SNX30: variants seen among roughly 807,000 people sequenced by gnomAD.
SNX30 encodes sorting nexin-30.
Under a neutral mutation model 46.4 loss-of-function variants are expected in SNX30, and 24 were observed. The ratio of observed to expected loss-of-function variants is 0.52; its 90% CI spans 0.37 to 0.73. The LOEUF (loss-of-function observed/expected upper bound fraction) is 0.73, where lower values mean the gene tolerates loss of function less well. SNX30 is among the 30% of genes least tolerant of loss of function. The probability of loss-of-function intolerance (pLI) is 0.00; values close to 1 mark genes in which losing one functional copy is unlikely to be tolerated. For missense variants in SNX30, 533 were observed against 555.7 expected (o/e 0.96, Z 0.41); for synonymous variants, 189 against 211.5 (o/e 0.89, Z 0.92).
chr9:112,797,705 C>CTT (rs1840129537), intron 1 of SNX30, among the ~76,000 whole-genome samples: 1 of 70,698 alleles, frequency 1.4e-5, no homozygotes, highest in African/African-American at 4.8e-5. Context: ...TTTTCTTTTT[C>CTT]TTTTTCTTTT....
At chr9:112,883,396 C>T (rs550088998), downstream of SNX30, among the ~76,000 whole-genome samples, 9 of 152,206 alleles carry the variant, frequency 5.9e-5, no homozygotes, top group South Asian at 1.0e-3. Flanking sequence ...CCTTCAAATC[C>T]TGTCTCTGCC....
At chr9:112,794,151 AT>A (rs1291338919) in intron 1 of SNX30, among the ~76,000 whole-genome samples, 27 of 151,002 alleles carry the variant, frequency 1.8e-4, no homozygotes, top group Admixed American at 1.6e-3. Flanking sequence ...ACATTCATTC[AT>A]TTTTTTTCTT....
intron 1 of SNX30, among the ~76,000 whole-genome samples, chr9:112,788,858 C>T (rs949073949): frequency 6.6e-5 from 10 of 152,182 alleles, no homozygotes; most frequent in African/African-American, 1.4e-4. Context: ...TGCAGTGGCA[C>T]GATCTCGGCT....
chr9:112,821,401 TTA>T (rs1312248414), intron 3 of SNX30, among the ~76,000 whole-genome samples: 2 of 151,848 alleles, frequency 1.3e-5, no homozygotes, highest in African/African-American at 4.8e-5. Context: ...TTTTCAAATT[TTA>T]TATATATGTG....
chr9:112,807,463 C>G (rs1288081399), intron 2 of SNX30, among the ~76,000 whole-genome samples: 1 of 152,148 alleles, frequency 6.6e-6, no homozygotes, highest in African/African-American at 2.4e-5. Flanking sequence ...CCACTGGGCA[C>G]CTAGCCCAGA....
At chr9:112,824,548 A>G (rs1160455705) in intron 3 of SNX30, among the ~76,000 whole-genome samples, 1 of 148,920 alleles carries the variant, frequency 6.7e-6, no homozygotes, top group African/African-American at 2.5e-5. Context: ...TTTTTTAAGT[A>G]CCTTAAACAA....
At chr9:112,788,941 A>C (rs996523552) in intron 1 of SNX30, among the ~76,000 whole-genome samples, 3 of 152,116 alleles carry the variant, frequency 2.0e-5, no homozygotes, top group Admixed American at 2.0e-4. Flanking sequence ...GACCACAGGC[A>C]TGCGCCACCA....
intron 6 of SNX30, among the ~76,000 whole-genome samples, chr9:112,845,735 G>A (rs368917051): frequency 6.6e-6 from 1 of 152,304 alleles, no homozygotes; most frequent in South Asian, 2.1e-4. Flanking sequence ...GAGAACCAGG[G>A]TGGTCCCTCA....
intron 3 of SNX30, among the ~76,000 whole-genome samples, chr9:112,822,392 A>G (rs1840514491): frequency 6.6e-6 from 1 of 152,164 alleles, no homozygotes. Context: ...TTTTTGAGAT[A>G]TAATGGATAT....
At chr9:112,842,548 C>T (rs59721032) in intron 6 of SNX30, among the ~76,000 whole-genome samples, 9,296 of 152,278 alleles carry the variant, frequency 0.061, 652 homozygotes, top group African/African-American at 0.16. Flanking sequence ...TCATCTTTCT[C>T]ATTTGCTCAT....
chr9:112,838,665 A>G lies in SNX30; in HGVS notation c.982A>G (p.Arg328Gly). The change falls in exon 6 of 9, where the codon AGG becomes GGG. Residue 328 changes from arginine to glycine, a missense_variant. Physicochemically the swap from Arg to Gly is moderately radical, Grantham distance 125 (BLOSUM62 -2). Around this residue, in one of 3 missense-constraint regions of SNX30, gnomAD observed 261 missense variants for 270.9 expected, o/e 0.96. Coordinates refer to ENST00000374232, the MANE Select transcript of SNX30 (RefSeq NM_001012994.2). ...DMTEDFLPVL[R>G]EYILYSDSMK... The stretch of plus-strand genomic sequence containing the variant: ...GACAGAAGACTTCCTACCTGTGCTC[A>G]GGGAATATATTTTATACTCTGACTC... 1 of 1,614,154 alleles carries G rather than the reference A, an allele frequency of 6.2e-7. No individual in the cohort carries two copies. Among genetic ancestry groups the G allele is most frequent in the Non-Finnish European group, 8.5e-7 (1 of 1,179,998 alleles).
chr9:112,867,308 TCCCA>T (rs1841373602), intron 8 of SNX30, among the ~76,000 whole-genome samples: 2 of 149,388 alleles, frequency 1.3e-5, no homozygotes, highest in South Asian at 2.1e-4. Context: ...TCAGAACTCC[TCCCA>T]CCTCCTCAGA....
chr9:112,770,012 G>C (rs1010036022), intron 1 of SNX30, among the ~76,000 whole-genome samples: 1 of 152,090 alleles, frequency 6.6e-6, no homozygotes, highest in East Asian at 1.9e-4. Context: ...CCTGACTGCT[G>C]TCATCCCCTC....
At chr9:112,775,011 AT>A (rs1839717142) in intron 1 of SNX30, among the ~76,000 whole-genome samples, 1 of 151,170 alleles carries the variant, frequency 6.6e-6, no homozygotes, top group African/African-American at 2.4e-5. Context: ...CGCCTGGCTC[AT>A]TTTTTGTATT....
intron 8 of SNX30, among the ~76,000 whole-genome samples, chr9:112,865,375 G>A (rs1250493048): frequency 1.3e-5 from 2 of 151,892 alleles, no homozygotes; most frequent in East Asian, 1.9e-4. Flanking sequence ...CGTAATCCCA[G>A]CACTTGAAGA....
intron 4 of SNX30, among the ~76,000 whole-genome samples, chr9:112,832,411 G>A (rs1840673092): frequency 2.1e-5 from 3 of 144,944 alleles, no homozygotes; most frequent in Admixed American, 1.4e-4. Flanking sequence ...TTAGGAATCT[G>A]TATGAAGAAT....
chr9:112,865,319 G>A (rs920600726), intron 8 of SNX30, among the ~76,000 whole-genome samples: 17 of 151,876 alleles, frequency 1.1e-4, no homozygotes, highest in Non-Finnish European at 2.2e-4. Flanking sequence ...TGCTTGATTC[G>A]TATGTCCAGC....
At chr9:112,816,553 G>C (rs1412171392) in intron 2 of SNX30, among the ~76,000 whole-genome samples, 1 of 152,166 alleles carries the variant, frequency 6.6e-6, no homozygotes, top group African/African-American at 2.4e-5. Context: ...AGTTAGTTGG[G>C]GGTCAGTCCA....
In SNX30 at chr9:112,797,873, A is replaced by T. The variant is rs1348188852; in HGVS notation, c.157-6903A>T. On this transcript the variant is annotated intron_variant, in intron 1 of 8. Coordinates refer to ENST00000374232, the MANE Select transcript of SNX30 (RefSeq NM_001012994.2). ...GCCACCGTGCCCAGCTAATATTGGT[A>T]TTTTTTTTTTTTTTTTTTTTAGTAG... Among the ~76,000 whole-genome samples the T allele has an allele frequency of 4.5e-3, 544 of 121,906 alleles. 2 individuals are homozygous for T. Among genetic ancestry groups the T allele is most frequent in the Non-Finnish European group, 5.6e-3 (336 of 60,404 alleles). The allele number at this position is 121,906 out of a possible 152,430, so 80.0% of individuals were successfully genotyped here.
Sources: allele counts gnomAD v4.1 joint callset (sites outside exome capture counted in the v4.1 genomes callset), GRCh38; gene constraint gnomAD v4.1.1; regional missense constraint gnomAD v4.1.1; transcripts MANE v1.5; gene names NCBI Gene and HGNC (gene_info 2026-07-23, HGNC 2026-07-21).